The following UBA1 variants were observed in gnomAD, a reference collection of about 807,000 sequenced individuals.
The protein encoded by UBA1 is ubiquitin-like modifier-activating enzyme 1.
A neutral mutation model predicts 84.7 loss-of-function variants in UBA1; 4 were observed. The ratio of observed to expected loss-of-function variants is 0.05; its 90% CI spans 0.02 to 0.11. The LOEUF (loss-of-function observed/expected upper bound fraction) is 0.11. Among genes scored for constraint, UBA1 ranks in the 10% least tolerant of loss-of-function variants. The pLI, the probability that UBA1 is intolerant of heterozygous loss-of-function variation, is 1.00. For synonymous variants in UBA1, 364 were observed against 362.6 expected (o/e 1.00, Z -0.04); for missense variants, 513 against 902.8 (o/e 0.57, Z 5.53).
intron 14 of UBA1, chrX:47,205,616 T>C (rs1243149651): frequency 5.5e-6 from 2 of 361,689 alleles, no homozygotes; most frequent in Non-Finnish European, 1.1e-5. Flanking sequence ...TAATCCCAGC[T>C]CTTTGTGGGG....
chrX:47,197,285 C>T (rs1556785803), intron 1 of UBA1: 4 of 753,835 alleles, frequency 5.3e-6, no homozygotes, highest in African/African-American at 2.3e-5. Context: ...CTAAGCCTTT[C>T]TTTTCCCATT....
rs868927033 is a variant in UBA1 at position 47,210,980 on chromosome X, C to T, written c.2275-56C>T. On this transcript the variant is annotated intron_variant, in intron 19 of 25. Coordinates refer to ENST00000335972, the MANE Select transcript of UBA1 (RefSeq NM_003334.4). ...GGGTGAATAGGTGGGAAGGAGGTGG[C>T]GGCTCCCCACTCGAGGGCTGATGTG... is the stretch of plus-strand genomic sequence containing the variant. 21 of 1,204,262 alleles carry T rather than the reference C, an allele frequency of 1.7e-5. No individual in the cohort carries two copies. The African/African-American group carries it at 2.6e-4, about 15-fold the overall frequency.
upstream of UBA1, chrX:47,190,883 C>G (rs1936053715): frequency 8.8e-6 from 1 of 112,998 alleles, no homozygotes; most frequent in South Asian, 3.6e-4. Flanking sequence ...AGGTGGTTTG[C>G]TCTTCCGTTG....
chrX:47,196,139 G>C (rs193252969), intron 1 of UBA1, among the ~76,000 whole-genome samples: 36 of 111,287 alleles, frequency 3.2e-4, no homozygotes, highest in Admixed American at 3.1e-3. Context: ...TTCTCCAAAA[G>C]ATCCTTTTCC....
At chrX:47,204,714 G>A (rs984934918) in intron 14 of UBA1, among the ~76,000 whole-genome samples, 36 of 111,594 alleles carry the variant, frequency 3.2e-4, no homozygotes, top group African/African-American at 1.1e-3. Flanking sequence ...CCTTTCCAAG[G>A]GTTGTAGTTT....
rs1602629095 is a variant in UBA1 at position 47,200,953 on chromosome X, C to T, written c.540C>T (p.His180=). ...AGCTGCGAGTGGGTGAGTTCTGTCACAACCGTGGCATCAAGCTGGTGGTGG... is the reference window on the plus strand; with the variant it reads ...AGCTGCGAGTGGGTGAGTTCTGTCATAACCGTGGCATCAAGCTGGTGGTGG... ...EDQLRVGEFC[H]NRGIKLVVAD... Residue 180 remains histidine (H), a synonymous_variant, in exon 6 of 26, where the codon CAC becomes CAT. Coordinates refer to ENST00000335972, the MANE Select transcript of UBA1 (RefSeq NM_003334.4). 1 of 1,205,565 alleles carries T rather than the reference C, an allele frequency of 8.3e-7. No individual in the cohort carries two copies. Among genetic ancestry groups the T allele is most frequent in the Non-Finnish European group, 1.1e-6 (1 of 892,470 alleles).
chrX:47,208,314 AGTGTGTGTACGTGTGT>A (rs1569214465), intron 16 of UBA1, among the ~76,000 whole-genome samples: 1 of 93,043 alleles, frequency 1.1e-5, no homozygotes, highest in Non-Finnish European at 2.1e-5. Flanking sequence ...TGTACGTGTA[AGTGTGTGTACGTGTGT>A]GTGTGTGTGT....
Position 47,210,842 on chromosome X carries a change from C to T in UBA1, c.2200C>T (p.Leu734Phe). Reference sequence around the variant, plus strand: ...TCTCAAAAATCTCTCCATCCCTTAGCTCACAAGCTCAGGAGCGCCGTTCTG... The same window carrying T: ...TCTCAAAAATCTCTCCATCCCTTAGTTCACAAGCTCAGGAGCGCCGTTCTG... ...QLLHNFPPDQ[L>F]TSSGAPFWSG... Residue 734 changes from leucine to phenylalanine, a missense_variant and splice_region_variant, in exon 19 of 26, where the codon CTC becomes TTC. Coordinates refer to ENST00000335972, the MANE Select transcript of UBA1 (RefSeq NM_003334.4). The T allele has an allele frequency of 8.3e-7, 1 of 1,210,741 alleles. No homozygotes were observed. Among genetic ancestry groups the T allele is most frequent in the Non-Finnish European group, 1.1e-6 (1 of 894,900 alleles).
At chrX:47,194,230 A>C (rs996612422) in intron 1 of UBA1, among the ~76,000 whole-genome samples, 3 of 111,447 alleles carry the variant, frequency 2.7e-5, no homozygotes, top group Non-Finnish European at 5.7e-5. Flanking sequence ...GCAAAATCTG[A>C]CCTTGGAGTC....
Position 47,209,340 on chromosome X carries a change from G to C in UBA1, c.1939-283G>C, listed in dbSNP as rs782550044. On this transcript the variant is annotated intron_variant, in intron 16 of 25. Coordinates refer to ENST00000335972, the MANE Select transcript of UBA1 (RefSeq NM_003334.4). The stretch of plus-strand genomic sequence containing the variant: ...AGCTACTTTTTGTATTTTTAGTAGA[G>C]ATGGGGTTTCACCATGTTGGTCAGG... 16 of 442,467 alleles carry C rather than the reference G, an allele frequency of 3.6e-5. No individual in the cohort carries two copies. Among genetic ancestry groups the C allele is most frequent in the Non-Finnish European group, 5.6e-5 (14 of 251,794 alleles). The allele number at this position is 442,467 out of a possible 1,213,427, so 36.5% of individuals were successfully genotyped here.
Position 47,198,842 on chromosome X carries a change from G to A in UBA1, c.40G>A (p.Gly14Arg), listed in dbSNP as rs147024709. The change falls in exon 2 of 26, where the codon GGG becomes AGG. Residue 14 changes from glycine to arginine, a missense_variant. Physicochemically the swap from Gly to Arg is moderately radical, Grantham distance 125. Coordinates refer to ENST00000335972, the MANE Select transcript of UBA1 (RefSeq NM_003334.4). Reference sequence around the variant, plus strand: ...GCTGTCCAAGAAACGTCGCGTGTCCGGGCCTGATCCAAAGCCGGGTTCTAA... The same window carrying A: ...GCTGTCCAAGAAACGTCGCGTGTCCAGGCCTGATCCAAAGCCGGGTTCTAA... Reference protein sequence around the residue: ...SPLSKKRRVSGPDPKPGSNCS... With the variant: ...SPLSKKRRVSRPDPKPGSNCS... 5.0e-6 allele frequency: 6 copies of A among 1,210,360 alleles called. No individual in the cohort carries two copies. The highest frequency in any genetic ancestry group is 1.8e-5 in the South Asian group (1 of 56,873).
At chrX:47,205,512 C>T (rs1348785686) in intron 14 of UBA1, 7 of 345,593 alleles carry the variant, frequency 2.0e-5, no homozygotes, top group African/African-American at 1.8e-4. Flanking sequence ...AGCCTCCTAA[C>T]TCAGGGCCTG....
At chrX:47,203,751 T>TC (rs1256856918) in intron 14 of UBA1, 55 bp downstream of exon 14, 15 of 1,069,571 alleles carry the variant, frequency 1.4e-5, no homozygotes, top group Middle Eastern at 3.4e-4. Context: ...CTTTTTCTTT[T>TC]TTTTTTTTTT....
chrX:47,203,701 G>T lies in UBA1; in HGVS notation c.1575+5G>T. 1 of 1,202,736 alleles carries T rather than the reference G, an allele frequency of 8.3e-7. No individual in the cohort carries two copies. The highest frequency in any genetic ancestry group is 1.1e-6 in the Non-Finnish European group (1 of 889,502). On this transcript the variant is annotated splice_donor_5th_base_variant and intron_variant, in intron 14 of 25. Transcript: ENST00000335972. ...TTCCGGCCCTGGGATGTCACGGTGA[G>T]TAGGGTAGGAGGTTGGGGCTTTGTC...
intron 20 of UBA1, among the ~76,000 whole-genome samples, chrX:47,211,579 T>C (rs1936918021): frequency 9.0e-6 from 1 of 110,970 alleles, no homozygotes; most frequent in Admixed American, 9.6e-5. Flanking sequence ...CTGCCTTGTC[T>C]CCTTCCAGAT....
In UBA1 at chrX:47,212,527, T is replaced by G; in HGVS notation, c.2553+15T>G. The G allele has an allele frequency of 8.5e-7, 1 of 1,180,462 alleles. No homozygotes were observed. Among genetic ancestry groups the G allele is most frequent in the Non-Finnish European group, 1.2e-6 (1 of 867,939 alleles). On this transcript the variant is annotated intron_variant, in intron 21 of 25. Coordinates refer to ENST00000335972, the MANE Select transcript of UBA1 (RefSeq NM_003334.4). ...ACTTTGAGAAGGTATGGGGTGGGGC[T>G]CAGGACAGGGAAGGAGGATGGGCAA...
chrX:47,211,294 A>G lies in UBA1; in HGVS notation c.2464+69A>G, dbSNP rs1238264052. 3 of 1,105,796 alleles carry G rather than the reference A, an allele frequency of 2.7e-6. No individual in the cohort carries two copies. In the African/African-American group the frequency reaches 5.4e-5, roughly 20 times the overall value. 91.1% of individuals were successfully genotyped at this position (1,105,796 alleles called of 1,213,427 possible). ...CCCGGCCTAGTCCAGCCTCCCCACC[A>G]GTCCTCTACCCCTGGTTCTGCTCTG... On this transcript the variant is annotated intron_variant, in intron 20 of 25. Coordinates refer to ENST00000335972, the MANE Select transcript of UBA1 (RefSeq NM_003334.4).
At chrX:47,193,624 C>T (rs1459119201), upstream of UBA1, among the ~76,000 whole-genome samples, 1 of 112,849 alleles carries the variant, frequency 8.9e-6, no homozygotes, top group Non-Finnish European at 1.9e-5. Flanking sequence ...TAGTCGCATT[C>T]CATGAGGCGT....
chrX:47,201,671 C>T (rs1247266623), intron 8 of UBA1, 61 bp downstream of exon 8: 42 of 1,175,975 alleles, frequency 3.6e-5, no homozygotes, highest in Admixed American at 2.9e-4. Flanking sequence ...GGGTTCTGGC[C>T]GGGGAGTTGA....
Sources: gnomAD v4.1 joint callset for allele counts (sites outside exome capture counted in the v4.1 genomes callset) on GRCh38, gnomAD v4.1.1 for gene constraint, MANE v1.5 for transcripts, NCBI Gene and HGNC (gene_info 2026-07-23, HGNC 2026-07-21) for gene names.